The following MIB1 variants were observed in gnomAD, a reference collection of about 807,000 sequenced individuals.
MIB1 encodes MIB E3 ubiquitin protein ligase 1, also known as E3 ubiquitin-protein ligase MIB1.
In MIB1, 278 loss-of-function variants were observed where a neutral mutation model predicts 124.5. The observed-to-expected ratio is 2.23, with a 90% CI of 2.02 to 2.47. The LOEUF (loss-of-function observed/expected upper bound fraction) is 2.47. Among genes scored for constraint, MIB1 ranks in the 30% most tolerant of loss-of-function variants. The probability of loss-of-function intolerance (pLI) is 0.00; values close to 1 mark genes in which losing one functional copy is unlikely to be tolerated. For synonymous variants in MIB1, 446 were observed against 429.4 expected (o/e 1.04, Z -0.48); for missense variants, 957 against 1,254.4 (o/e 0.76, Z 3.58).
intron 16 of MIB1, among the ~76,000 whole-genome samples, chr18:21,848,919 T>A (rs930930209): frequency 1.3e-5 from 2 of 152,170 alleles, no homozygotes; most frequent in Admixed American, 1.3e-4. Flanking sequence ...GTTTTTTTTT[T>A]AATTGCTGTT....
intron 12 of MIB1, chr18:21,825,910 C>T: frequency 2.8e-6 from 1 of 354,370 alleles, no homozygotes; most frequent in South Asian, 2.0e-5. Flanking sequence ...TCAAATTTTC[C>T]ATTTTGAAGT....
intron 9 of MIB1, among the ~76,000 whole-genome samples, chr18:21,802,992 C>A (rs1356890538): frequency 1.3e-5 from 2 of 152,106 alleles, no homozygotes; most frequent in South Asian, 4.1e-4. Flanking sequence ...CTGAGGCTCC[C>A]CTTGTTACCT....
intron 4 of MIB1, among the ~76,000 whole-genome samples, chr18:21,776,471 A>G (rs1046739440): frequency 6.6e-6 from 1 of 152,146 alleles, no homozygotes; most frequent in Non-Finnish European, 1.5e-5. Context: ...AGATGTTCTA[A>G]TCATCTACTA....
intron 1 of MIB1, among the ~76,000 whole-genome samples, chr18:21,729,404 G>A (rs1255079812): frequency 6.6e-6 from 1 of 152,158 alleles, no homozygotes; most frequent in Non-Finnish European, 1.5e-5. Flanking sequence ...TGTCTGATGA[G>A]GGCTCCATTC....
rs1010563652 is a variant in MIB1 at position 21,865,991 on chromosome 18, T to C, written c.*1325T>C. On this transcript the variant is annotated 3_prime_UTR_variant, in exon 21 of 21. Transcript: ENST00000261537. ...AATCTTATTGTCTCCTGAGTAAATA[T>C]ACACATAAATGTTTGGGGATTCATT... is the stretch of plus-strand genomic sequence containing the variant. The C allele has an allele frequency of 3.3e-5, 5 of 152,182 alleles. No individual in the cohort carries two copies. The highest frequency in any genetic ancestry group is 1.2e-4 in the African/African-American group (5 of 41,452). 9.4% of individuals were successfully genotyped at this position (152,182 alleles called of 1,614,324 possible). A position where few individuals can be genotyped will look rare whatever the true frequency, so the allele number is the denominator to read the frequency against.
At chr18:21,735,766 G>A (rs2040794076) in intron 1 of MIB1, among the ~76,000 whole-genome samples, 1 of 152,342 alleles carries the variant, frequency 6.6e-6, no homozygotes, top group Admixed American at 6.5e-5. Context: ...CCGGAAGTTC[G>A]AACTGGGTGG....
intron 3 of MIB1, among the ~76,000 whole-genome samples, chr18:21,771,604 A>G (rs768756715): frequency 6.6e-5 from 10 of 152,184 alleles, no homozygotes; most frequent in Non-Finnish European, 1.5e-4. Context: ...TCAGGATGGT[A>G]GTTACCTCTA....
intron 1 of MIB1, among the ~76,000 whole-genome samples, chr18:21,733,793 C>T (rs1167284786): frequency 6.6e-6 from 1 of 151,938 alleles, no homozygotes; most frequent in Non-Finnish European, 1.5e-5. Context: ...GCAACCTCTG[C>T]TTCCCAGGTT....
intron 13 of MIB1, among the ~76,000 whole-genome samples, chr18:21,840,627 GTATATATATA>G (rs57360671): frequency 3.9e-4 from 43 of 110,610 alleles, no homozygotes; most frequent in Middle Eastern, 4.4e-3. Context: ...CATCTCTACT[GTATATATATA>G]TATATATATA....
chr18:21,824,867 A>G (rs947593490), intron 12 of MIB1, among the ~76,000 whole-genome samples: 2 of 152,066 alleles, frequency 1.3e-5, no homozygotes, highest in Non-Finnish European at 1.5e-5. Context: ...AATTATACGG[A>G]TGTTAGAGTA....
intron 1 of MIB1, among the ~76,000 whole-genome samples, chr18:21,734,450 CTCTTT>C (rs1180450546): frequency 6.6e-6 from 1 of 150,412 alleles, no homozygotes. Context: ...CTAATAGGGA[CTCTTT>C]TCTTTTCTTT....
At chr18:21,707,419 C>G (rs1011767809) in intron 1 of MIB1, among the ~76,000 whole-genome samples, 1 of 152,182 alleles carries the variant, frequency 6.6e-6, no homozygotes, top group African/African-American at 2.4e-5. Context: ...AAGCAGGCTG[C>G]CCGAGCCAGC....
At chr18:21,836,273 G>GTTTTT (rs34936609) in intron 12 of MIB1, among the ~76,000 whole-genome samples, 7 of 133,450 alleles carry the variant, frequency 5.2e-5, no homozygotes, top group South Asian at 2.4e-4. Context: ...AAAACAAAAG[G>GTTTTT]TTTTTTTTTT....
chr18:21,793,711 G>T (rs998611536), intron 7 of MIB1, among the ~76,000 whole-genome samples: 26 of 137,858 alleles, frequency 1.9e-4, no homozygotes, highest in African/African-American at 6.1e-4. Flanking sequence ...AGCCCAGGAG[G>T]TTGAGGCTAC....
At chr18:21,821,802 G>A (rs1262043248) in intron 12 of MIB1, among the ~76,000 whole-genome samples, 1 of 151,672 alleles carries the variant, frequency 6.6e-6, no homozygotes, top group African/African-American at 2.4e-5. Flanking sequence ...GGGGTTTCAC[G>A]ACGTTAGCCA....
Position 21,799,898 on chromosome 18 carries a change from A to T in MIB1, c.1295A>T (p.Asn432Ile), listed in dbSNP as rs759225220. 1 of 1,612,514 alleles carries T rather than the reference A, an allele frequency of 6.2e-7. No individual in the cohort carries two copies. Among genetic ancestry groups the T allele is most frequent in the Admixed American group, 1.7e-5 (1 of 59,948 alleles). The change falls in exon 9 of 21, where the codon AAT becomes ATT. Residue 432 changes from asparagine (N) to isoleucine (I), a missense_variant. Transcript: ENST00000261537. The part of the protein sequence containing the change: ...LFETQESGDL[N>I]EELVKAAANG... ...GAAACCCAAGAATCTGGTGACCTCA[A>T]TGAAGAATTAGTTAAGGCTGCTGCC... is the stretch of plus-strand genomic sequence containing the variant.
chr18:21,832,528 T>C (rs998253998), intron 12 of MIB1, among the ~76,000 whole-genome samples: 3 of 152,152 alleles, frequency 2.0e-5, no homozygotes, highest in African/African-American at 4.8e-5. Flanking sequence ...TGTGGAGATA[T>C]AGTTTAAGAT....
intron 6 of MIB1, among the ~76,000 whole-genome samples, chr18:21,788,731 C>T (rs1230388404): frequency 6.6e-6 from 1 of 152,154 alleles, no homozygotes; most frequent in African/African-American, 2.4e-5. Context: ...AAAGAATCCA[C>T]AAAAGCTATT....
chr18:21,751,259 G>T (rs1467371891), intron 1 of MIB1, among the ~76,000 whole-genome samples: 2 of 151,994 alleles, frequency 1.3e-5, no homozygotes, highest in Non-Finnish European at 2.9e-5. Context: ...TGCATTAAAC[G>T]TCACAGTTAT....
Sources: gnomAD v4.1 joint callset for allele counts (sites outside exome capture counted in the v4.1 genomes callset) on GRCh38, gnomAD v4.1.1 for gene constraint, MANE v1.5 for transcripts, NCBI Gene and HGNC (gene_info 2026-07-23, HGNC 2026-07-21) for gene names.